TTBK2: variants seen among roughly 807,000 people sequenced by gnomAD.
TTBK2 encodes the protein tau tubulin kinase 2, also known as tau-tubulin kinase 2.
TTBK2 carries 28 observed loss-of-function variants against 110.8 expected under a neutral mutation model. The observed-to-expected ratio is 0.25, with a 90% confidence interval of 0.19 to 0.35. TTBK2 has a LOEUF of 0.35. TTBK2 is among the 10% of genes least tolerant of loss of function. TTBK2 has a pLI of 1.00. For missense variants in TTBK2, 1,369 were observed against 1,500.3 expected (o/e 0.91, Z 1.45); for synonymous variants, 532 against 527.3 (o/e 1.01, Z -0.12).
chr15:42,814,603 A>G (rs1891863001), intron 7 of TTBK2, among the ~76,000 whole-genome samples: 1 of 152,172 alleles, frequency 6.6e-6, no homozygotes, highest in Admixed American at 6.5e-5. Context: ...AGGAACCAGA[A>G]AAAGAGAAAT....
chr15:42,892,573 G>GCA (rs1362110187), intron 1 of TTBK2, among the ~76,000 whole-genome samples: 1 of 151,740 alleles, frequency 6.6e-6, no homozygotes, highest in East Asian at 1.9e-4. Context: ...CAGGTGTGTG[G>GCA]CACTCATCTG....
At chr15:42,913,593 A>C (rs908404813) in intron 1 of TTBK2, among the ~76,000 whole-genome samples, 1 of 151,448 alleles carries the variant, frequency 6.6e-6, no homozygotes, top group Non-Finnish European at 1.5e-5. Context: ...AGCCGAGATC[A>C]CGCCACTGCA....
chr15:42,764,014 T>C (rs549862975), intron 13 of TTBK2, among the ~76,000 whole-genome samples: 1 of 152,322 alleles, frequency 6.6e-6, no homozygotes, highest in East Asian at 1.9e-4. Context: ...CCAGAAAAGA[T>C]GGACTAAAAC....
chr15:42,761,136 A>T (rs1475666209), intron 13 of TTBK2, among the ~76,000 whole-genome samples: 1 of 152,224 alleles, frequency 6.6e-6, no homozygotes, highest in African/African-American at 2.4e-5. Context: ...CACATGCAGA[A>T]CAATGAAACT....
intron 9 of TTBK2, among the ~76,000 whole-genome samples, chr15:42,798,788 G>A (rs1200867594): frequency 6.6e-6 from 1 of 152,114 alleles, no homozygotes; most frequent in Non-Finnish European, 1.5e-5. Flanking sequence ...AATTATCTTC[G>A]GGAAAGTGAA....
chr15:42,829,561 C>G (rs1199613395), intron 5 of TTBK2, among the ~76,000 whole-genome samples: 4 of 152,126 alleles, frequency 2.6e-5, no homozygotes, highest in Non-Finnish European at 5.9e-5. Context: ...TCTCACTATG[C>G]TGCCCAGGCT....
At chr15:42,884,321 T>A (rs1895161345) in intron 1 of TTBK2, among the ~76,000 whole-genome samples, 1 of 152,220 alleles carries the variant, frequency 6.6e-6, no homozygotes, top group Non-Finnish European at 1.5e-5. Flanking sequence ...ATATTAATAA[T>A]AAGAAATATA....
At chr15:42,809,694 T>G (rs1471180312) in intron 9 of TTBK2, among the ~76,000 whole-genome samples, 4 of 152,222 alleles carry the variant, frequency 2.6e-5, no homozygotes, top group Non-Finnish European at 5.9e-5. Flanking sequence ...CAACACAAAT[T>G]GGCATATGCA....
At chr15:42,911,026 A>G (rs1165092740) in intron 1 of TTBK2, among the ~76,000 whole-genome samples, 1 of 151,656 alleles carries the variant, frequency 6.6e-6, no homozygotes, top group Admixed American at 6.6e-5. Flanking sequence ...CCTCGGTGAC[A>G]AGAGTGAAAC....
In TTBK2 at chr15:42,815,941, T is replaced by C. The variant is rs1476486154; in HGVS notation, c.603+1091A>G. Among the ~76,000 whole-genome samples, 36 of 27,792 alleles carry C rather than the reference T, an allele frequency of 1.3e-3. 1 individual carries two copies. The highest frequency in any genetic ancestry group is 5.8e-3 in the African/African-American group (35 of 5,990). 18.2% of individuals were successfully genotyped at this position (27,792 alleles called of 152,430 possible). On this transcript the variant is annotated intron_variant, in intron 7 of 14. Transcript: ENST00000267890. ...ATATATATATTTAAAAATATATATA[T>C]ATATATTTAAAAAAAAAATATATAT...
At chr15:42,895,341 T>C (rs777452330) in intron 1 of TTBK2, among the ~76,000 whole-genome samples, 2 of 152,042 alleles carry the variant, frequency 1.3e-5, no homozygotes, top group African/African-American at 4.8e-5. Flanking sequence ...AAACAGTCCA[T>C]TGAGGGTACA....
At chr15:42,816,526 C>G (rs758670449) in intron 7 of TTBK2, among the ~76,000 whole-genome samples, 1 of 151,984 alleles carries the variant, frequency 6.6e-6, no homozygotes, top group Non-Finnish European at 1.5e-5. Context: ...TACACTATAC[C>G]GTGCATTAGT....
intron 13 of TTBK2, among the ~76,000 whole-genome samples, chr15:42,763,277 G>C (rs1023993315): frequency 8.5e-6 from 1 of 117,178 alleles, no homozygotes; most frequent in Non-Finnish European, 1.6e-5. Flanking sequence ...CACAGAGTGC[G>C]ATCTTTGCTC....
chr15:42,766,631 A>G lies in TTBK2; in HGVS notation c.1998+8504T>C, dbSNP rs538710620. On this transcript the variant is annotated intron_variant, in intron 13 of 14. Transcript: ENST00000267890. ...AATACAGGAGCACCCAGATTCATAA[A>G]GCAAGTCCTTAGAGACCTACAAAGA... Among the ~76,000 whole-genome samples, 36 of 152,066 alleles carry G rather than the reference A, an allele frequency of 2.4e-4. 1 individual carries two copies. The East Asian group carries it at 6.8e-3, about 29-fold the overall frequency.
chr15:42,915,951 A>T (rs1430197319), intron 1 of TTBK2, among the ~76,000 whole-genome samples: 2 of 152,196 alleles, frequency 1.3e-5, no homozygotes, highest in African/African-American at 4.8e-5. Context: ...CCAAAAAAAG[A>T]AAGAAAGCAG....
intron 9 of TTBK2, among the ~76,000 whole-genome samples, chr15:42,804,833 A>G (rs908697542): frequency 2.0e-5 from 3 of 152,210 alleles, no homozygotes; most frequent in Non-Finnish European, 2.9e-5. Flanking sequence ...TCTGCTTTCA[A>G]CTACTGGACT....
chr15:42,815,958 A>AATATATATATATATATTTAAAAAAATAT (rs1891969111), intron 7 of TTBK2, among the ~76,000 whole-genome samples: 1 of 91,716 alleles, frequency 1.1e-5, no homozygotes, highest in Non-Finnish European at 1.9e-5. Context: ...TTAAAAAAAA[A>AATATATATATATATATTTAAAAAAATAT]ATATATATAT....
At position 42,859,371 on chromosome 15, in the gene TTBK2, G is replaced by C. The variant is rs552446307; in HGVS notation, c.217+13240C>G. Among the ~76,000 whole-genome samples, 9 of 152,274 alleles carry C rather than the reference G, an allele frequency of 5.9e-5. No homozygotes were observed. In the South Asian group the frequency reaches 1.9e-3, roughly 32 times the overall value. ...AATCCACCCACCTCAGCCTCCCAAA[G>C]TGCTGGGATTACAGGCATGAGCAGT... is the stretch of plus-strand genomic sequence containing the variant. On this transcript the variant is annotated intron_variant, in intron 3 of 14. Transcript: ENST00000267890.
chr15:42,855,089 A>G (rs528928830), intron 3 of TTBK2: 1 of 152,248 alleles, frequency 6.6e-6, no homozygotes, highest in African/African-American at 2.4e-5. Context: ...TTCTTTATTT[A>G]TTTTTGAGAT....
Sources: gnomAD v4.1 joint callset for allele counts (sites outside exome capture counted in the v4.1 genomes callset) on GRCh38, gnomAD v4.1.1 for gene constraint, MANE v1.5 for transcripts, NCBI Gene and HGNC (gene_info 2026-07-23, HGNC 2026-07-21) for gene names.